The following GALNT10 variants were observed in gnomAD, a reference collection of about 807,000 sequenced individuals.
GALNT10 encodes GalNAc transferase 10.
A neutral mutation model predicts 75.0 loss-of-function variants in GALNT10; 41 were observed. The ratio of observed to expected loss-of-function variants is 0.55; its 90% CI spans 0.43 to 0.71. The LOEUF (loss-of-function observed/expected upper bound fraction) is 0.71. Ranked by LOEUF, GALNT10 falls within the 30% of genes least tolerant of loss-of-function variation. GALNT10 has a pLI of 0.00. For synonymous variants in GALNT10, 302 were observed against 313.0 expected, an observed-to-expected ratio of 0.96 and a Z score of 0.37; for missense variants, 727 against 818.5, an observed-to-expected ratio of 0.89 and a Z score of 1.36.
At chr5:154,293,613 A>ATATATATATATATTTTTTTTTTTTTTT in intron 1 of GALNT10, among the ~76,000 whole-genome samples, 2 of 109,352 alleles carry the variant, frequency 1.8e-5, no homozygotes, top group African/African-American at 8.5e-5. Context: ...ATATATATAT[A>ATATATATATATATTTTTTTTTTTTTTT]TTTTTTTTTT....
rs781612245 is a variant in GALNT10 at position 154,418,549 on chromosome 5, T to C, written c.*1577T>C. On this transcript the variant is annotated 3_prime_UTR_variant, in exon 12 of 12. Coordinates refer to ENST00000297107, the MANE Select transcript of GALNT10 (RefSeq NM_198321.4). ...TCAGCATTCCAATTAGTGTTGAGTCTCTTGATTGTGTCATTTACCAATTAA... is the reference window on the plus strand; with the variant it reads ...TCAGCATTCCAATTAGTGTTGAGTCCCTTGATTGTGTCATTTACCAATTAA... The C allele has an allele frequency of 6.6e-6, 1 of 152,242 alleles. No individual in the cohort carries two copies. The highest frequency in any genetic ancestry group is 1.5e-5 in the Non-Finnish European group (1 of 68,036). 9.4% of individuals were successfully genotyped at this position (152,242 alleles called of 1,614,324 possible). A position where few individuals can be genotyped will look rare whatever the true frequency, so the allele number is the denominator to read the frequency against.
rs778798161 is a variant in GALNT10 at position 154,287,218 on chromosome 5, C to T, written c.160-7598C>T. Among the ~76,000 whole-genome samples the T allele has an allele frequency of 6.8e-4, 103 of 152,164 alleles. 1 individual carries two copies. The highest frequency in any genetic ancestry group is 2.1e-4 in the Non-Finnish European group (14 of 68,030). ...TTGCTCAAAGGCTTACTGTGGCTGC[C>T]CACCTGCCAAGCAGCTCAAATGTAA... On this transcript the variant is annotated intron_variant, in intron 1 of 11. Coordinates refer to ENST00000297107, the MANE Select transcript of GALNT10 (RefSeq NM_198321.4).
At chr5:154,194,021 C>T (rs1040046532) in intron 1 of GALNT10, among the ~76,000 whole-genome samples, 1 of 152,190 alleles carries the variant, frequency 6.6e-6, no homozygotes, top group Non-Finnish European at 1.5e-5. Context: ...ATTCCAAGCC[C>T]CAATCTGTTT....
intron 1 of GALNT10, among the ~76,000 whole-genome samples, chr5:154,239,711 A>G (rs578235758): frequency 6.6e-6 from 1 of 152,192 alleles, no homozygotes; most frequent in Non-Finnish European, 1.5e-5. Context: ...TGAACCGCCC[A>G]TTCCTGTCCT....
In GALNT10 at chr5:154,364,487, G is replaced by A. The variant is rs370592315; in HGVS notation, c.569-11790G>A. Among the ~76,000 whole-genome samples the A allele has an allele frequency of 1.4e-4, 21 of 152,166 alleles. No homozygotes were observed. In the East Asian group the frequency reaches 1.9e-3, roughly 14 times the overall value. On this transcript the variant is annotated intron_variant, in intron 4 of 11. Coordinates refer to ENST00000297107, the MANE Select transcript of GALNT10 (RefSeq NM_198321.4). ...TGAATGGGAGGTTTCAAAATATTTGGTGTTGGATTGGGTTGGGGTGTTTTG... is the reference window on the plus strand; with the variant it reads ...TGAATGGGAGGTTTCAAAATATTTGATGTTGGATTGGGTTGGGGTGTTTTG...
At chr5:154,341,052 A>T (rs1268135279) in intron 4 of GALNT10, among the ~76,000 whole-genome samples, 1 of 152,190 alleles carries the variant, frequency 6.6e-6, no homozygotes, top group Admixed American at 6.5e-5. Context: ...CAAATACTGA[A>T]ATCTCATGAA....
At chr5:154,329,434 A>G (rs1754807956) in intron 3 of GALNT10, 138 bp from the exon 4 acceptor site, 2 of 657,890 alleles carry the variant, frequency 3.0e-6, no homozygotes, top group East Asian at 5.2e-5. Context: ...TGTGTGACCA[A>G]GGTATCCCTG....
chr5:154,347,623 A>G (rs1755150025), intron 4 of GALNT10, among the ~76,000 whole-genome samples: 1 of 152,060 alleles, frequency 6.6e-6, no homozygotes, highest in East Asian at 1.9e-4. Flanking sequence ...CTGCCTCCCA[A>G]GGTGCTGGGA....
chr5:154,414,477 C>T (rs942366701), intron 10 of GALNT10, among the ~76,000 whole-genome samples: 1 of 152,116 alleles, frequency 6.6e-6, no homozygotes, highest in Non-Finnish European at 1.5e-5. Context: ...AAGAATGACA[C>T]AAAAGAGAAT....
chr5:154,249,922 T>C (rs888175263), intron 1 of GALNT10, among the ~76,000 whole-genome samples: 3 of 152,110 alleles, frequency 2.0e-5, no homozygotes, highest in African/African-American at 7.2e-5. Context: ...TTGACCACAC[T>C]CTAGGCATGA....
At chr5:154,368,290 T>C (rs1250646351) in intron 4 of GALNT10, among the ~76,000 whole-genome samples, 1 of 152,216 alleles carries the variant, frequency 6.6e-6, no homozygotes, top group Non-Finnish European at 1.5e-5. Flanking sequence ...AATGCTTTCT[T>C]GATTAAACTG....
At chr5:154,274,610 G>A (rs1753922580) in intron 1 of GALNT10, among the ~76,000 whole-genome samples, 1 of 152,098 alleles carries the variant, frequency 6.6e-6, no homozygotes, top group African/African-American at 2.4e-5. Context: ...CTTCCTACGT[G>A]TTCTTGGTGA....
intron 1 of GALNT10, among the ~76,000 whole-genome samples, chr5:154,202,609 A>G (rs746423616): frequency 3.9e-5 from 6 of 152,180 alleles, no homozygotes; most frequent in Admixed American, 1.3e-4. Context: ...TGACTCTCCA[A>G]CTTGTGCTCT....
chr5:154,206,419 C>T (rs756555470), intron 1 of GALNT10, among the ~76,000 whole-genome samples: 13 of 152,144 alleles, frequency 8.5e-5, no homozygotes, highest in South Asian at 4.1e-4. Flanking sequence ...AAAAAACAGC[C>T]GCTGCCTTGA....
intron 7 of GALNT10, among the ~76,000 whole-genome samples, chr5:154,391,319 A>T (rs1755892311): frequency 6.6e-6 from 1 of 152,208 alleles, no homozygotes; most frequent in South Asian, 2.1e-4. Context: ...ATTTTCAGAA[A>T]TTAAGATCAA....
intron 1 of GALNT10, among the ~76,000 whole-genome samples, chr5:154,253,849 GTTTGGACTTACCTC>G (rs1753567007): frequency 6.6e-6 from 1 of 151,298 alleles, no homozygotes; most frequent in South Asian, 2.1e-4. Flanking sequence ...GTCCTGCTCA[GTTTGGACTTACCTC>G]TTTGCAGATC....
At chr5:154,265,570 G>A (rs922502920) in intron 1 of GALNT10, among the ~76,000 whole-genome samples, 1 of 152,146 alleles carries the variant, frequency 6.6e-6, no homozygotes, top group Non-Finnish European at 1.5e-5. Context: ...CTCCAAGTTT[G>A]GATAATTTTA....
At chr5:154,300,213 A>G (rs1754340638) in intron 3 of GALNT10, among the ~76,000 whole-genome samples, 1 of 152,146 alleles carries the variant, frequency 6.6e-6, no homozygotes, top group African/African-American at 2.4e-5. Context: ...TGGAACTGTA[A>G]CCTGACTCTG....
intron 1 of GALNT10, among the ~76,000 whole-genome samples, chr5:154,243,507 C>T (rs536480250): frequency 1.3e-5 from 2 of 152,072 alleles, no homozygotes; most frequent in South Asian, 4.2e-4. Flanking sequence ...AATGCATAGT[C>T]CAGAATTAGA....
Sources: gnomAD v4.1 joint callset for allele counts (sites outside exome capture counted in the v4.1 genomes callset) on GRCh38, gnomAD v4.1.1 for gene constraint, MANE v1.5 for transcripts, NCBI Gene and HGNC (gene_info 2026-07-23, HGNC 2026-07-21) for gene names.